The following UGT2B7 variants were observed in gnomAD, a reference collection of about 807,000 sequenced individuals.
The protein encoded by UGT2B7 is UDP glucuronosyltransferase family 2 member B7.
Under a neutral mutation model 51.9 loss-of-function variants are expected in UGT2B7, and 51 were observed. The ratio of observed to expected loss-of-function variants is 0.98; its 90% confidence interval spans 0.78 to 1.24. UGT2B7 has a LOEUF of 1.24. Ranked by LOEUF, UGT2B7 falls within the 50% of genes most tolerant of loss-of-function variation. The pLI, the probability that UGT2B7 is intolerant of heterozygous loss-of-function variation, is 0.00. For synonymous variants in UGT2B7, 225 were observed against 211.6 expected, an observed-to-expected ratio of 1.06 and a Z score of -0.55; for missense variants, 727 against 628.4, an observed-to-expected ratio of 1.16 and a Z score of -1.68.
At chr4:69,056,395 C>T (rs562525413) in intron 1 of UGT2B7, among the ~76,000 whole-genome samples, 192 of 152,276 alleles carry the variant, frequency 1.3e-3, no homozygotes, top group African/African-American at 4.4e-3. Flanking sequence ...ATGAGAAATG[C>T]GATCTATCAA....
At chr4:69,097,706 G>A (rs62296959) in intron 1 of UGT2B7, among the ~76,000 whole-genome samples, 13,643 of 151,948 alleles carry the variant, frequency 0.09, 883 homozygotes, top group Middle Eastern at 0.15. Context: ...TTACCAGAAG[G>A]TTTCCTTCAC....
chr4:69,067,763 C>T (rs569025657), intron 1 of UGT2B7: 68 of 152,324 alleles, frequency 4.5e-4, no homozygotes, highest in African/African-American at 1.6e-3. Flanking sequence ...ATCAATACAC[C>T]ATTGTGTTGC....
intron 1 of UGT2B7, among the ~76,000 whole-genome samples, chr4:69,058,854 C>G (rs759679592): frequency 1.1e-4 from 16 of 151,852 alleles, no homozygotes; most frequent in African/African-American, 3.1e-4. Context: ...TGCAAGGTGG[C>G]GTGATGTGGG....
chr4:69,059,953 C>G (rs1045134449), intron 1 of UGT2B7, among the ~76,000 whole-genome samples: 1 of 152,198 alleles, frequency 6.6e-6, no homozygotes, highest in Non-Finnish European at 1.5e-5. Context: ...TGGCTTGCAC[C>G]AATTAATGAG....
At chr4:69,077,238 TGCTTAG>T (rs1475907558) in intron 1 of UGT2B7, among the ~76,000 whole-genome samples, 3 of 152,264 alleles carry the variant, frequency 2.0e-5, no homozygotes, top group East Asian at 3.9e-4. Context: ...TTGGTCTTTT[TGCTTAG>T]GTTTGTCTTG....
intron 1 of UGT2B7, among the ~76,000 whole-genome samples, chr4:69,079,430 A>G (rs752021895): frequency 6.6e-5 from 10 of 152,218 alleles, no homozygotes; most frequent in Non-Finnish European, 1.3e-4. Flanking sequence ...ACATGTATAC[A>G]TACGTAACAA....
upstream of UGT2B7, among the ~76,000 whole-genome samples, chr4:69,096,094 G>A (rs116572954): frequency 0.01 from 1,583 of 152,232 alleles, 29 homozygotes; most frequent in African/African-American, 0.036. Flanking sequence ...TTGATAAATA[G>A]TATGATATTT....
At chr4:69,091,494 A>T (rs556829857), upstream of UGT2B7, among the ~76,000 whole-genome samples, 3 of 152,228 alleles carry the variant, frequency 2.0e-5, no homozygotes, top group South Asian at 6.2e-4. Context: ...TGGATACATA[A>T]TTTTTTGATT....
intron 1 of UGT2B7, among the ~76,000 whole-genome samples, chr4:69,097,871 A>G (rs1285821806): frequency 6.6e-6 from 1 of 152,078 alleles, no homozygotes; most frequent in Non-Finnish European, 1.5e-5. Context: ...ATATCTACAT[A>G]GTTTTTTGAA....
intron 1 of UGT2B7, among the ~76,000 whole-genome samples, chr4:69,061,072 G>A (rs1393997572): frequency 6.6e-6 from 1 of 152,180 alleles, no homozygotes; most frequent in Admixed American, 6.5e-5. Flanking sequence ...AACTGGGTAT[G>A]CAGTGGTGAC....
intron 1 of UGT2B7, among the ~76,000 whole-genome samples, chr4:69,063,034 A>G (rs1232198363): frequency 6.6e-6 from 1 of 152,124 alleles, no homozygotes; most frequent in Non-Finnish European, 1.5e-5. Context: ...CACTACATGG[A>G]TAAGAAACAC....
rs766870595 is a variant in UGT2B7, at chr4:69,098,526, T to C, written c.722-14T>C. 2 of 1,586,280 alleles carry C rather than the reference T, an allele frequency of 1.3e-6. No individual in the cohort carries two copies. The highest frequency in any genetic ancestry group is 1.2e-5 in the South Asian group (1 of 85,058). On this transcript the variant is annotated splice_polypyrimidine_tract_variant and intron_variant, in intron 1 of 5. Coordinates refer to ENST00000305231, the MANE Select transcript of UGT2B7 (RefSeq NM_001074.4). Reference sequence around the variant, plus strand: ...TCTTGTGTCATCCACCTTTTTTTTTTCTATTCCTGTCAGGAAGACCCACTA... The same window carrying C: ...TCTTGTGTCATCCACCTTTTTTTTTCCTATTCCTGTCAGGAAGACCCACTA...
intron 1 of UGT2B7, among the ~76,000 whole-genome samples, chr4:69,057,037 T>C (rs1485978166): frequency 6.6e-6 from 1 of 152,222 alleles, no homozygotes; most frequent in African/African-American, 2.4e-5. Flanking sequence ...ACTTAGAAAC[T>C]GATGTTATTC....
chr4:69,104,248 A>T (rs6600890), intron 3 of UGT2B7, among the ~76,000 whole-genome samples: 89,981 of 151,874 alleles, frequency 0.59, 28,032 homozygotes, highest in African/African-American at 0.77. Context: ...GATCACACCA[A>T]TGCACTCCAG....
At chr4:69,067,455 T>G (rs568781281) in intron 1 of UGT2B7, 1 of 158,888 alleles carries the variant, frequency 6.3e-6, no homozygotes, top group Non-Finnish European at 1.5e-5. Context: ...ATGGAATGTA[T>G]GAGAGAATCT....
intron 3 of UGT2B7, among the ~76,000 whole-genome samples, chr4:69,106,967 T>C (rs535061824): frequency 1.1e-4 from 17 of 152,110 alleles, no homozygotes; most frequent in Non-Finnish European, 2.5e-4. Flanking sequence ...TTTTCTAAGG[T>C]ACTATTTTGG....
chr4:69,109,723 TAA>T (rs34095769), intron 5 of UGT2B7, among the ~76,000 whole-genome samples: 13,597 of 152,118 alleles, frequency 0.089, 865 homozygotes, highest in Middle Eastern at 0.15. Flanking sequence ...AATATAATTT[TAA>T]GTTAAATTTT....
intron 3 of UGT2B7, among the ~76,000 whole-genome samples, chr4:69,103,929 A>C (rs917157632): frequency 6.6e-6 from 1 of 152,146 alleles, no homozygotes. Context: ...TTAATTTAGG[A>C]ATAATAACCA....
chr4:69,108,846 T>C (rs1174463060), intron 5 of UGT2B7, among the ~76,000 whole-genome samples: 1 of 152,126 alleles, frequency 6.6e-6, no homozygotes, highest in Non-Finnish European at 1.5e-5. Flanking sequence ...CACTATTACA[T>C]AATTTTAGAA....
Sources: gnomAD v4.1 joint callset for allele counts (sites outside exome capture counted in the v4.1 genomes callset) on GRCh38, gnomAD v4.1.1 for gene constraint, MANE v1.5 for transcripts, NCBI Gene and HGNC (gene_info 2026-07-23, HGNC 2026-07-21) for gene names.